The following GPC5 variants were observed in gnomAD, a reference collection of about 807,000 sequenced individuals.
The protein encoded by GPC5 is glypican 5, also known as glypican-5.
A neutral mutation model predicts 53.9 loss-of-function variants in GPC5; 47 were observed. That is an observed-to-expected ratio of 0.87 (90% CI 0.69 to 1.11). The LOEUF is 1.11. Among genes scored for constraint, GPC5 ranks in the 50% most tolerant of loss-of-function variants. The pLI is 0.00. For synonymous variants in GPC5, 286 were observed against 263.3 expected, an observed-to-expected ratio of 1.09 and a Z score of -0.84; for missense variants, 748 against 713.1, an observed-to-expected ratio of 1.05 and a Z score of -0.56.
At chr13:92,407,582 CTT>C (rs1408832283) in intron 7 of GPC5, among the ~76,000 whole-genome samples, 1 of 152,118 alleles carries the variant, frequency 6.6e-6, no homozygotes, top group Admixed American at 6.5e-5. Flanking sequence ...CACAATAACG[CTT>C]TTTCTCTATT....
intron 6 of GPC5, among the ~76,000 whole-genome samples, chr13:92,081,575 A>T (rs1302369462): frequency 6.6e-6 from 1 of 152,156 alleles, no homozygotes; most frequent in Non-Finnish European, 1.5e-5. Flanking sequence ...GTGCCAGATG[A>T]GGATGGTCTG....
Position 91,601,835 on chromosome 13 carries a change from A to T in GPC5, c.326-91352A>T, listed in dbSNP as rs540551179. On this transcript the variant is annotated intron_variant, in intron 2 of 7. Coordinates refer to ENST00000377067, the MANE Select transcript of GPC5 (RefSeq NM_004466.6). ...TGCAATAATAATAGAAATAAAGTAT[A>T]CAATAAATGTAATGCACTTAAATCA... 1.1e-4 allele frequency among the ~76,000 whole-genome samples: 17 copies of T among 152,350 alleles called. 1 individual carries two copies. The South Asian group carries it at 3.5e-3, about 32-fold the overall frequency.
intron 2 of GPC5, among the ~76,000 whole-genome samples, chr13:91,626,921 T>A (rs2034018727): frequency 6.6e-6 from 1 of 151,054 alleles, no homozygotes; most frequent in African/African-American, 2.4e-5. Context: ...CATGCGGTGT[T>A]TGGTTTTTTG....
chr13:92,101,796 A>C (rs2041469401), intron 6 of GPC5, among the ~76,000 whole-genome samples: 1 of 152,318 alleles, frequency 6.6e-6, no homozygotes, highest in Middle Eastern at 3.4e-3. Flanking sequence ...TAACATTTAC[A>C]CACCTTGGAG....
intron 7 of GPC5, among the ~76,000 whole-genome samples, chr13:92,462,993 A>G (rs1463756522): frequency 6.6e-6 from 1 of 152,172 alleles, no homozygotes; most frequent in African/African-American, 2.4e-5. Context: ...GACGAAGCAC[A>G]TACCCTGCAA....
At chr13:92,159,670 T>A (rs2041972254) in intron 7 of GPC5, among the ~76,000 whole-genome samples, 1 of 133,958 alleles carries the variant, frequency 7.5e-6, no homozygotes, top group Non-Finnish European at 1.6e-5. Context: ...TGGCGCAATC[T>A]CAGTTCACTG....
At chr13:92,557,115 G>A (rs544613497) in intron 7 of GPC5, among the ~76,000 whole-genome samples, 32 of 151,448 alleles carry the variant, frequency 2.1e-4, no homozygotes, top group African/African-American at 7.3e-4. Flanking sequence ...AAAAAGGGAC[G>A]GGGGAGATCT....
chr13:91,559,157 A>G (rs921894179), intron 2 of GPC5, among the ~76,000 whole-genome samples: 1 of 152,104 alleles, frequency 6.6e-6, no homozygotes, highest in Non-Finnish European at 1.5e-5. Context: ...CTCTTTGTGT[A>G]TGGAAACTGG....
rs185516230 is a variant in GPC5 at position 91,435,119 on chromosome 13, C to T, written c.164-13642C>T. Among the ~76,000 whole-genome samples, 7 of 152,294 alleles carry T rather than the reference C, an allele frequency of 4.6e-5. No individual in the cohort carries two copies. In the East Asian group the frequency reaches 1.4e-3, roughly 29 times the overall value. On this transcript the variant is annotated intron_variant, in intron 1 of 7. Transcript: ENST00000377067. ...TGATGGGGTTTTCTAGATATACAATCATGTCATCTGCAAACAGGGACAATT... is the reference window on the plus strand; with the variant it reads ...TGATGGGGTTTTCTAGATATACAATTATGTCATCTGCAAACAGGGACAATT...
chr13:92,444,364 T>G (rs997269161), intron 7 of GPC5, among the ~76,000 whole-genome samples: 4 of 152,100 alleles, frequency 2.6e-5, no homozygotes, highest in Admixed American at 2.6e-4. Flanking sequence ...AAATATTTAT[T>G]GAGCAGCCTC....
chr13:92,195,266 G>A (rs1298043553), intron 7 of GPC5, among the ~76,000 whole-genome samples: 1 of 152,068 alleles, frequency 6.6e-6, no homozygotes, highest in Non-Finnish European at 1.5e-5. Context: ...TATGTGCAGT[G>A]CCTAAAACTA....
At chr13:91,437,961 A>G (rs987009707) in intron 1 of GPC5, among the ~76,000 whole-genome samples, 2 of 152,116 alleles carry the variant, frequency 1.3e-5, no homozygotes, top group Non-Finnish European at 2.9e-5. Flanking sequence ...CACATCGGCT[A>G]CTGAGGCTTG....
At chr13:91,880,302 A>C (rs1277812874) in intron 5 of GPC5, among the ~76,000 whole-genome samples, 2 of 151,770 alleles carry the variant, frequency 1.3e-5, no homozygotes, top group Non-Finnish European at 2.9e-5. Context: ...TTCTCTTTAA[A>C]TTTTATATTT....
chr13:92,381,889 T>TATATCATATATATGA (rs753025655), intron 7 of GPC5, among the ~76,000 whole-genome samples: 2 of 122,178 alleles, frequency 1.6e-5, no homozygotes, highest in Non-Finnish European at 3.4e-5. Context: ...ATTATATATA[T>TATATCATATATATGA]TATATATAAT....
Position 92,866,427 on chromosome 13 carries a change from C to T in GPC5, c.1707C>T (p.Pro569=), listed in dbSNP as rs561902215. 4.7e-4 allele frequency: 758 copies of T among 1,601,946 alleles called. 8 individuals are homozygous for T. The South Asian group carries it at 7.6e-3, about 16-fold the overall frequency. Residue 569 remains proline, a synonymous_variant, in exon 8 of 8, where the codon CCC becomes CCT. Coordinates refer to ENST00000377067, the MANE Select transcript of GPC5 (RefSeq NM_004466.6). ...TGATAAGTGTGGTGATGTTACTTCC[C>T]GGGATTTGGTAACTGAACTCTTCTG... is the stretch of plus-strand genomic sequence containing the variant. ...FTLISVVMLL[P]GIW is the part of the protein sequence containing the mutation.
At chr13:92,810,986 C>T (rs931979997) in intron 7 of GPC5, among the ~76,000 whole-genome samples, 12 of 151,992 alleles carry the variant, frequency 7.9e-5, no homozygotes, top group Admixed American at 3.3e-4. Context: ...TCCCAAAGTG[C>T]TGGGATTGCA....
At chr13:92,832,346 G>A (rs1275214715) in intron 7 of GPC5, among the ~76,000 whole-genome samples, 2 of 152,084 alleles carry the variant, frequency 1.3e-5, no homozygotes, top group Non-Finnish European at 2.9e-5. Flanking sequence ...CCATAAAGAT[G>A]GAAGAACTAA....
chr13:92,240,159 A>G (rs892250538), intron 7 of GPC5: 8 of 152,046 alleles, frequency 5.3e-5, no homozygotes, highest in East Asian at 1.9e-4. Flanking sequence ...TGTAGATTAT[A>G]TCTATTTGAT....
At chr13:91,941,271 G>A (rs182485133) in intron 6 of GPC5, among the ~76,000 whole-genome samples, 9 of 152,120 alleles carry the variant, frequency 5.9e-5, no homozygotes, top group Admixed American at 5.9e-4. Flanking sequence ...ATAGTTTGAA[G>A]TCAGGCAGTG....
Sources: allele counts gnomAD v4.1 joint callset (sites outside exome capture counted in the v4.1 genomes callset), GRCh38; gene constraint gnomAD v4.1.1; transcripts MANE v1.5; gene names NCBI Gene and HGNC (gene_info 2026-07-23, HGNC 2026-07-21).